The following GAB2 variants were observed in gnomAD, a reference collection of about 807,000 sequenced individuals.
GAB2 encodes the protein GRB2-associated-binding protein 2.
A neutral mutation model predicts 65.5 loss-of-function variants in GAB2; 26 were observed. The ratio of observed to expected loss-of-function variants is 0.40; its 90% CI spans 0.29 to 0.55. The LOEUF is 0.55. GAB2 is among the 20% of genes least tolerant of loss of function. GAB2 has a pLI of 0.53. For missense variants in GAB2, 884 were observed against 875.8 expected (o/e 1.01, Z -0.12); for synonymous variants, 321 against 329.6 (o/e 0.97, Z 0.28).
chr11:78,307,404 T>G (rs1307303774), intron 1 of GAB2, among the ~76,000 whole-genome samples: 1 of 152,084 alleles, frequency 6.6e-6, no homozygotes, highest in Non-Finnish European at 1.5e-5. Flanking sequence ...CACAGAATTG[T>G]GTATGAAATT....
intron 2 of GAB2, among the ~76,000 whole-genome samples, chr11:78,271,494 C>T (rs1480025416): frequency 6.6e-6 from 1 of 152,170 alleles, no homozygotes; most frequent in Non-Finnish European, 1.5e-5. Context: ...TTCAAACTCA[C>T]TTTCACTCCT....
intron 1 of GAB2, among the ~76,000 whole-genome samples, chr11:78,303,343 T>C (rs780432119): frequency 1.3e-5 from 2 of 152,200 alleles, no homozygotes; most frequent in African/African-American, 2.4e-5. Context: ...CATGTTTGTA[T>C]AGAGTATGAG....
intron 1 of GAB2, among the ~76,000 whole-genome samples, chr11:78,384,017 A>G (rs1856733160): frequency 6.6e-6 from 1 of 152,200 alleles, no homozygotes. Context: ...ATAGTTGAGC[A>G]AAGAAAGAGG....
chr11:78,291,089 ATTTG>A (rs1565145221), intron 1 of GAB2, among the ~76,000 whole-genome samples: 1 of 151,958 alleles, frequency 6.6e-6, no homozygotes, highest in Non-Finnish European at 1.5e-5. Context: ...TGGTGGCAGG[ATTTG>A]TTTGTTGACT....
intron 1 of GAB2, among the ~76,000 whole-genome samples, chr11:78,343,488 A>C (rs1235782696): frequency 6.6e-6 from 1 of 152,056 alleles, no homozygotes; most frequent in Non-Finnish European, 1.5e-5. Flanking sequence ...ACAGACTAGA[A>C]ATTTTTAACT....
Position 78,221,665 on chromosome 11 carries a change from C to T in GAB2, c.1761+12G>A, listed in dbSNP as rs755419738. 136 of 1,568,564 alleles carry T rather than the reference C, an allele frequency of 8.7e-5. 1 individual carries two copies. Among genetic ancestry groups the T allele is most frequent in the East Asian group, 3.8e-4 (17 of 44,534 alleles). On this transcript the variant is annotated intron_variant, in intron 8 of 9. Transcript: ENST00000361507. The stretch of plus-strand genomic sequence containing the variant: ...TGAAAGGCGTCATTCCAGCGAAGCC[C>T]GAAGGACTCACCATAGGGACATAGT...
intron 1 of GAB2, among the ~76,000 whole-genome samples, chr11:78,380,717 T>C (rs1856686421): frequency 6.6e-6 from 1 of 152,198 alleles, no homozygotes; most frequent in African/African-American, 2.4e-5. Context: ...TTGGGAGGAA[T>C]GTGGCTATGC....
At chr11:78,271,230 C>T (rs560622529) in intron 2 of GAB2, among the ~76,000 whole-genome samples, 15 of 152,332 alleles carry the variant, frequency 9.8e-5, no homozygotes, top group East Asian at 5.8e-4. Flanking sequence ...GACTTGGATC[C>T]GCCTGCCTAT....
chr11:78,253,013 T>TC (rs940330541), intron 2 of GAB2, among the ~76,000 whole-genome samples: 1 of 144,360 alleles, frequency 6.9e-6, no homozygotes, highest in African/African-American at 2.6e-5. Flanking sequence ...CCTTTTTTTT[T>TC]TTTTTTTTTT....
At chr11:78,236,312 T>G (rs1468433429) in intron 3 of GAB2, among the ~76,000 whole-genome samples, 2 of 152,230 alleles carry the variant, frequency 1.3e-5, no homozygotes, top group Non-Finnish European at 2.9e-5. Flanking sequence ...TAAACTCACT[T>G]AAAAATTTTT....
At chr11:78,338,213 C>A (rs1479615201) in intron 1 of GAB2, among the ~76,000 whole-genome samples, 1 of 152,196 alleles carries the variant, frequency 6.6e-6, no homozygotes, top group Non-Finnish European at 1.5e-5. Context: ...AATGCCTATT[C>A]ATAATCCCTT....
At chr11:78,222,019 G>T in intron 7 of GAB2, 86 bp downstream of exon 7, 1 of 885,550 alleles carries the variant, frequency 1.1e-6, no homozygotes, top group African/African-American at 1.6e-5. Flanking sequence ...GAATCCAGCT[G>T]TCCCGGCCCA....
rs1413024130 is a variant in GAB2, at chr11:78,223,501, G to A, written c.1478C>T (p.Ser493Leu). ...GCCTCGGTGCACAGGAAGGGTTGTT[G>A]ATGGGTAGCCAAGTGAGTCAAAGTG... Reference protein sequence around the residue: ...AHHFDSLGYPSTTLPVHRGPS... With the variant: ...AHHFDSLGYPLTTLPVHRGPS... Residue 493 changes from serine to leucine, a missense_variant, in exon 6 of 10, where the codon TCA (serine) becomes TTA (leucine). Coordinates refer to ENST00000361507, the MANE Select transcript of GAB2 (RefSeq NM_080491.3). 3 of 1,611,318 alleles carry A rather than the reference G, an allele frequency of 1.9e-6. No individual in the cohort carries two copies. The highest frequency in any genetic ancestry group is 1.6e-4 in the Middle Eastern group (1 of 6,068).
intron 3 of GAB2, among the ~76,000 whole-genome samples, chr11:78,248,198 C>T (rs1865348761): frequency 6.6e-6 from 1 of 151,986 alleles, no homozygotes; most frequent in African/African-American, 2.4e-5. Flanking sequence ...AAAGTGAATT[C>T]CAGGTAGGAA....
chr11:78,280,414 TCCA>T, intron 2 of GAB2, 184 bp downstream of exon 2: 2 of 608,540 alleles, frequency 3.3e-6, no homozygotes, highest in Non-Finnish European at 2.9e-6. Context: ...TTTTTTGGTT[TCCA>T]GTTAGAGCAT....
intron 1 of GAB2, among the ~76,000 whole-genome samples, chr11:78,330,223 T>C (rs938064758): frequency 2.6e-5 from 4 of 152,214 alleles, no homozygotes; most frequent in African/African-American, 9.7e-5. Flanking sequence ...CATGCAGCTC[T>C]AGTTCTTCCT....
In GAB2 at chr11:78,383,627, G is replaced by A. The variant is rs189566993; in HGVS notation, c.75+34019C>T. Among the ~76,000 whole-genome samples, 21 of 137,402 alleles carry A rather than the reference G, an allele frequency of 1.5e-4. No homozygotes were observed. In the East Asian group the frequency reaches 4.4e-3, roughly 29 times the overall value. 90.1% of individuals were successfully genotyped at this position (137,402 alleles called of 152,430 possible). A position where few individuals can be genotyped will look rare whatever the true frequency, so the allele number is the denominator to read the frequency against. ...ACAAAAATTAGCCAGGTGTGGTGGTGTGCGCCTGTAATGCCAGCTACTCGA... is the reference window on the plus strand; with the variant it reads ...ACAAAAATTAGCCAGGTGTGGTGGTATGCGCCTGTAATGCCAGCTACTCGA... On this transcript the variant is annotated intron_variant, in intron 1 of 9. Transcript: ENST00000361507.
intron 1 of GAB2, among the ~76,000 whole-genome samples, chr11:78,321,794 C>T (rs189295881): frequency 6.6e-6 from 1 of 151,534 alleles, no homozygotes; most frequent in East Asian, 1.9e-4. Flanking sequence ...CAAAAACAGA[C>T]ATGTAGACCA....
At chr11:78,331,537 G>A (rs377201997) in intron 1 of GAB2, among the ~76,000 whole-genome samples, 12 of 152,178 alleles carry the variant, frequency 7.9e-5, no homozygotes, top group Middle Eastern at 3.4e-3. Context: ...GAGCCACTGC[G>A]CCCAGCCCCG....
Sources: gnomAD v4.1 joint callset for allele counts (sites outside exome capture counted in the v4.1 genomes callset) on GRCh38, gnomAD v4.1.1 for gene constraint, MANE v1.5 for transcripts, NCBI Gene and HGNC (gene_info 2026-07-23, HGNC 2026-07-21) for gene names.